The following TAFA1 variants were observed in gnomAD, a reference collection of about 807,000 sequenced individuals.
The protein encoded by TAFA1 is TAFA chemokine like family member 1.
In TAFA1, 4 loss-of-function variants were observed where a neutral mutation model predicts 18.5. The observed-to-expected ratio is 0.22, with a 90% CI of 0.11 to 0.49. The LOEUF (loss-of-function observed/expected upper bound fraction) is 0.49, where lower values mean the gene tolerates loss of function less well. Ranked by LOEUF, TAFA1 falls within the 20% of genes least tolerant of loss-of-function variation. The probability of loss-of-function intolerance (pLI) is 0.98; values close to 1 mark genes in which losing one functional copy is unlikely to be tolerated. For missense variants in TAFA1, 147 were observed against 169.0 expected (o/e 0.87, Z 0.72); for synonymous variants, 56 against 55.2 (o/e 1.01, Z -0.06).
chr3:68,359,376 G>A (rs1221943138), intron 2 of TAFA1, among the ~76,000 whole-genome samples: 1 of 151,996 alleles, frequency 6.6e-6, no homozygotes, highest in African/African-American at 2.4e-5. Context: ...TAAGGTGGCA[G>A]ATAGAATTAA....
the TAFA1 span, among the ~76,000 whole-genome samples, chr3:67,993,158 T>C: frequency 6.6e-6 from 1 of 152,228 alleles, no homozygotes; most frequent in East Asian, 1.9e-4. Flanking sequence ...CCTTAACAAA[T>C]ATATATTGGG....
At chr3:68,465,148 G>T (rs775976831) in intron 3 of TAFA1, among the ~76,000 whole-genome samples, 11 of 152,116 alleles carry the variant, frequency 7.2e-5, no homozygotes, top group Non-Finnish European at 1.3e-4. Context: ...GAGAGGAGCA[G>T]AGATCAGTGA....
intron 2 of TAFA1, among the ~76,000 whole-genome samples, chr3:68,046,967 G>A (rs572752461): frequency 6.6e-6 from 1 of 152,200 alleles, no homozygotes. Context: ...TGCATCAGAA[G>A]TTGTTAGAAA....
At chr3:68,107,250 A>T (rs1467207942) in intron 2 of TAFA1, among the ~76,000 whole-genome samples, 1 of 152,066 alleles carries the variant, frequency 6.6e-6, no homozygotes, top group Non-Finnish European at 1.5e-5. Flanking sequence ...TCAACTATTA[A>T]ATGTCTACCA....
intron 2 of TAFA1, among the ~76,000 whole-genome samples, chr3:68,102,922 C>G (rs1475045689): frequency 6.6e-6 from 1 of 152,162 alleles, no homozygotes; most frequent in Non-Finnish European, 1.5e-5. Context: ...TCCTCCTACC[C>G]AAATCATGTT....
chr3:68,373,219 A>G (rs1275673438), intron 2 of TAFA1, among the ~76,000 whole-genome samples: 1 of 152,208 alleles, frequency 6.6e-6, no homozygotes, highest in Admixed American at 6.5e-5. Context: ...TGGCCTAATA[A>G]TGGTACCTAC....
chr3:68,366,934 A>T (rs1324498384), intron 2 of TAFA1, among the ~76,000 whole-genome samples: 3 of 152,182 alleles, frequency 2.0e-5, no homozygotes, highest in African/African-American at 7.2e-5. Context: ...CTGACCTGTC[A>T]ATTGTGACAC....
Position 68,545,535 on chromosome 3 carries a change from G to A in TAFA1, c.*1032G>A, listed in dbSNP as rs1000389865. ...CAGGTCTCCTCTTGTGAGATAGGAA[G>A]GCCATGAAAACAATTAGATTTCAAG... On this transcript the variant is annotated 3_prime_UTR_variant, in exon 5 of 5. Coordinates refer to ENST00000478136, the MANE Select transcript of TAFA1 (RefSeq NM_213609.4). 6.6e-6 allele frequency: 1 copy of A among 152,544 alleles called. No homozygotes were observed. Among genetic ancestry groups the A allele is most frequent in the African/African-American group, 2.4e-5 (1 of 41,430 alleles). The allele number at this position is 152,544 out of a possible 1,614,324, so 9.4% of individuals were successfully genotyped here.
At chr3:68,443,226 C>T (rs1216298533) in intron 3 of TAFA1, among the ~76,000 whole-genome samples, 2 of 152,050 alleles carry the variant, frequency 1.3e-5, no homozygotes, top group East Asian at 3.9e-4. Context: ...TTCCTGGTAA[C>T]ATCCTTCCTC....
At chr3:68,200,287 T>C (rs945487978) in intron 2 of TAFA1, among the ~76,000 whole-genome samples, 4 of 151,664 alleles carry the variant, frequency 2.6e-5, no homozygotes, top group Admixed American at 1.3e-4. Context: ...TATTGGTCTG[T>C]AGATTTGTTT....
chr3:68,029,297 A>G (rs1188102673), intron 2 of TAFA1, among the ~76,000 whole-genome samples: 1 of 152,228 alleles, frequency 6.6e-6, no homozygotes, highest in Non-Finnish European at 1.5e-5. Context: ...TATTAATGAG[A>G]TAGTTTACTT....
chr3:68,203,773 G>A (rs2066494072), intron 2 of TAFA1, among the ~76,000 whole-genome samples: 2 of 151,616 alleles, frequency 1.3e-5, no homozygotes, highest in African/African-American at 4.8e-5. Context: ...ATCAAGTTAG[G>A]CTCTAGGTAA....
chr3:68,061,653 G>T (rs2064603737), intron 2 of TAFA1, among the ~76,000 whole-genome samples: 1 of 152,176 alleles, frequency 6.6e-6, no homozygotes, highest in Non-Finnish European at 1.5e-5. Flanking sequence ...TTTTGCATAG[G>T]TCATAAGCAC....
intron 2 of TAFA1, among the ~76,000 whole-genome samples, chr3:68,082,336 C>T (rs1046922653): frequency 6.6e-6 from 1 of 152,160 alleles, no homozygotes. Context: ...TTGGCTCCTC[C>T]CCCCTGTTCC....
At chr3:68,003,568 T>C (rs528271766), upstream of TAFA1, among the ~76,000 whole-genome samples, 1 of 152,318 alleles carries the variant, frequency 6.6e-6, no homozygotes, top group East Asian at 1.9e-4. Flanking sequence ...CTAGGTCATC[T>C]TGTATTCATC....
chr3:68,167,623 G>T (rs929742817), intron 2 of TAFA1, among the ~76,000 whole-genome samples: 9 of 150,150 alleles, frequency 6.0e-5, no homozygotes, highest in Admixed American at 6.0e-4. Context: ...TAAAAATGCA[G>T]AGTTGGGGGC....
intron 2 of TAFA1, among the ~76,000 whole-genome samples, chr3:68,411,691 G>A (rs912270921): frequency 6.6e-6 from 1 of 152,160 alleles, no homozygotes; most frequent in African/African-American, 2.4e-5. Flanking sequence ...CTTTCTTAGA[G>A]TAGAGGTAAC....
intron 2 of TAFA1, among the ~76,000 whole-genome samples, chr3:68,063,361 G>A (rs2064631036): frequency 6.6e-6 from 1 of 151,974 alleles, no homozygotes; most frequent in Non-Finnish European, 1.5e-5. Context: ...TACTGCTACT[G>A]GTAATAAGAA....
chr3:68,054,825 G>T (rs1006913932), intron 2 of TAFA1, among the ~76,000 whole-genome samples: 2 of 152,192 alleles, frequency 1.3e-5, no homozygotes, highest in African/African-American at 4.8e-5. Context: ...CAGTTAACAA[G>T]TAGCTACCAT....
Sources: allele counts gnomAD v4.1 joint callset (sites outside exome capture counted in the v4.1 genomes callset), GRCh38; gene constraint gnomAD v4.1.1; transcripts MANE v1.5; gene names NCBI Gene and HGNC (gene_info 2026-07-23, HGNC 2026-07-21).